The following CASZ1 variants were observed in gnomAD, a reference collection of about 807,000 sequenced individuals.
CASZ1 encodes the protein castor zinc finger 1.
Under a neutral mutation model 135.2 loss-of-function variants are expected in CASZ1, and 28 were observed. That is an observed-to-expected ratio of 0.21 (90% CI 0.15 to 0.28). The LOEUF (loss-of-function observed/expected upper bound fraction) is 0.28, where lower values mean the gene tolerates loss of function less well. Ranked by LOEUF, CASZ1 falls within the 10% of genes least tolerant of loss-of-function variation. The pLI, the probability that CASZ1 is intolerant of heterozygous loss-of-function variation, is 1.00. For synonymous variants in CASZ1, 1,068 were observed against 1,073.4 expected (o/e 0.99, Z 0.10); for missense variants, 2,161 against 2,453.3 (o/e 0.88, Z 2.52).
At chr1:10,753,530 T>A (rs1326762916) in intron 2 of CASZ1, among the ~76,000 whole-genome samples, 1 of 152,104 alleles carries the variant, frequency 6.6e-6, no homozygotes, top group Non-Finnish European at 1.5e-5. Context: ...GTGGCTCCTG[T>A]CAGATTATTA....
rs1639386634 is a variant in CASZ1, at chr1:10,716,079, CCCCACAGCACCCAATCCACA to C, written c.-76-10555_-76-10536del. Among the ~76,000 whole-genome samples, 13 of 145,476 alleles carry C rather than the reference CCCCACAGCACCCAATCCACA, an allele frequency of 8.9e-5. No homozygotes were observed. The South Asian group carries it at 1.6e-3, about 18-fold the overall frequency. On this transcript the variant is annotated intron_variant, in intron 2 of 20. Transcript: ENST00000377022. ...CGCACCCCACAGCACCCAATCCGCA[CCCCACAGCACCCAATCCACA>C]CCCACAGCACCCAATCCACACCCCA...
At chr1:10,765,267 G>C (rs1640452756) in intron 1 of CASZ1, among the ~76,000 whole-genome samples, 1 of 151,788 alleles carries the variant, frequency 6.6e-6, no homozygotes, top group African/African-American at 2.4e-5. Flanking sequence ...GAGGGTACGT[G>C]GTGGAAGATA....
Position 10,639,344 on chromosome 1 carries a change from C to A in CASZ1, c.4878G>T (p.Pro1626=), listed in dbSNP as rs189959454. The part of the protein sequence containing the change: ...LDGSLSLGAE[P]GSLLFLQSAA... ...CCGACTGCAGGAAGAGCAGCGAGCC[C>A]GGCTCGGCGCCCAGCGACAGGGAGC... Residue 1626 remains proline (P), a synonymous_variant, in exon 21 of 21, where the codon CCG becomes CCT. Transcript: ENST00000377022. The surrounding 1 kb of genome is among the most constrained non-coding windows in gnomAD (Gnocchi z 4.0). 1.5e-3 allele frequency: 2,224 copies of A among 1,505,704 alleles called. 22 individuals carry two copies. In the African/African-American group the frequency reaches 0.025, roughly 17 times the overall value. 93.3% of individuals were successfully genotyped at this position (1,505,704 alleles called of 1,614,324 possible).
At position 10,694,658 on chromosome 1, in the gene CASZ1, G is replaced by C. The variant is rs1001609819; in HGVS notation, c.-23-746C>G. On this transcript the variant is annotated intron_variant, in intron 3 of 20. Transcript: ENST00000377022. This position sits in a 1 kb window ranked among gnomAD's most constrained non-coding sequence, Gnocchi z 6.6. Reference sequence around the variant, plus strand: ...GCCCGCCGCCCGCCGCCCGGTGCCGGAGTGAATGGGCTCGCGCTCGCTCGC... The same window carrying C: ...GCCCGCCGCCCGCCGCCCGGTGCCGCAGTGAATGGGCTCGCGCTCGCTCGC... Among the ~76,000 whole-genome samples, 5 of 143,428 alleles carry C rather than the reference G, an allele frequency of 3.5e-5. No homozygotes were observed. The highest frequency in any genetic ancestry group is 2.7e-4 in the Admixed American group (4 of 14,612). 94.1% of individuals were successfully genotyped at this position (143,428 alleles called of 152,430 possible).
At chr1:10,745,399 A>G (rs879564293) in intron 2 of CASZ1, among the ~76,000 whole-genome samples, 1 of 148,294 alleles carries the variant, frequency 6.7e-6, no homozygotes, top group Admixed American at 6.7e-5. Flanking sequence ...CAGGGACACG[A>G]ACACAGACAG....
At chr1:10,640,391 T>C (rs2128416) in intron 20 of CASZ1, among the ~76,000 whole-genome samples, 24,356 of 152,238 alleles carry the variant, frequency 0.16, 2,819 homozygotes, top group East Asian at 0.54. Context: ...CTGGCGCTAA[T>C]TGAAGCTGAA....
At chr1:10,714,857 C>A (rs1639349014) in intron 2 of CASZ1, among the ~76,000 whole-genome samples, 1 of 152,168 alleles carries the variant, frequency 6.6e-6, no homozygotes, top group South Asian at 2.1e-4. Flanking sequence ...CCAGCCCAAC[C>A]CCCACCCTCT....
In CASZ1 at chr1:10,759,040, A is replaced by G. The variant is rs1640312947; in HGVS notation, c.-77+1661T>C. On this transcript the variant is annotated intron_variant, in intron 2 of 20. Coordinates refer to ENST00000377022, the MANE Select transcript of CASZ1 (RefSeq NM_001079843.3). This position sits in a 1 kb window ranked among gnomAD's most constrained non-coding sequence, Gnocchi z 4.2. ...GGAGTCAACAGCGAATGGAAACTTC[A>G]GAAAGGGAAAAACGAATAGGCGTGT... Among the ~76,000 whole-genome samples the G allele has an allele frequency of 6.6e-6, 1 of 152,246 alleles. No homozygotes were observed. The highest frequency in any genetic ancestry group is 2.1e-4 in the South Asian group (1 of 4,838).
intron 5 of CASZ1, among the ~76,000 whole-genome samples, chr1:10,662,256 CCCCCACACACAG>C (rs1643063474): frequency 7.1e-5 from 9 of 126,952 alleles, no homozygotes; most frequent in African/African-American, 9.9e-5. Context: ...CACCCACCCA[CCCCCACACACAG>C]TCACATGCTC....
rs1258034939 is a variant in CASZ1 at position 10,639,390 on chromosome 1, CCGGGCGCGGGGCCCTCTGCCG to C, written c.4811_4831del (p.Ala1604_Pro1610del). The C allele has an allele frequency of 6.5e-7, 1 of 1,544,760 alleles. No individual in the cohort carries two copies. Among genetic ancestry groups the C allele is most frequent in the Non-Finnish European group, 8.7e-7 (1 of 1,145,526 alleles). On this transcript the variant is annotated inframe_deletion, in exon 21 of 21. Transcript: ENST00000377022. The surrounding 1 kb of genome is among the most constrained non-coding windows in gnomAD (Gnocchi z 4.0). ...GGAGCCGTCCAGACTGATGGGAGGC[CCGGGCGCGGGGCCCTCTGCCG>C]CGGGCTCGCCGCGCTCCTGCTTCTC...
intron 4 of CASZ1, among the ~76,000 whole-genome samples, chr1:10,682,543 A>G (rs751911050): frequency 6.6e-6 from 1 of 152,190 alleles, no homozygotes; most frequent in African/African-American, 2.4e-5. Context: ...CTCTCAGTGC[A>G]TAACACAAAA....
intron 5 of CASZ1, among the ~76,000 whole-genome samples, chr1:10,664,712 G>A (rs1407952066): frequency 6.6e-6 from 1 of 151,974 alleles, no homozygotes; most frequent in Non-Finnish European, 1.5e-5. Flanking sequence ...TACTGTGCCC[G>A]GTAAGCTCAG....
chr1:10,700,906 G>A lies in CASZ1; in HGVS notation c.-24+4586C>T, dbSNP rs376818000. ...TAAAAAGGTGAATTTTATGGTATATGAATGATATCTCAATAAAGCGGTTAT... is the reference window on the plus strand; with the variant it reads ...TAAAAAGGTGAATTTTATGGTATATAAATGATATCTCAATAAAGCGGTTAT... On this transcript the variant is annotated intron_variant, in intron 3 of 20. Transcript: ENST00000377022. This position sits in a 1 kb window ranked among gnomAD's most constrained non-coding sequence, Gnocchi z 4.2. 2.6e-3 allele frequency among the ~76,000 whole-genome samples: 401 copies of A among 152,278 alleles called. 8 individuals are homozygous for A. In the South Asian group the frequency reaches 0.029, roughly 11 times the overall value.
chr1:10,646,279 A>T lies in CASZ1; in HGVS notation c.3545T>A (p.Phe1182Tyr). The T allele has an allele frequency of 6.2e-7, 1 of 1,614,146 alleles. No individual in the cohort carries two copies. Among genetic ancestry groups the T allele is most frequent in the Non-Finnish European group, 8.5e-7 (1 of 1,180,024 alleles). ...CTTGCAGTTCCCAAAGAGACAGTGG[A>T]AGTGGAACTTGTTGGCGTACTTGCA... is the stretch of plus-strand genomic sequence containing the variant. Reference protein sequence around the residue: ...TDCKYANKFHFHCLFGNCKYV... With the variant: ...TDCKYANKFHYHCLFGNCKYV... Residue 1182 changes from phenylalanine (F) to tyrosine (Y), a missense_variant, in exon 17 of 21, where the codon TTC becomes TAC. By Grantham distance (22) the Phe-to-Tyr change is conservative (BLOSUM62 3). This residue lies in a region of CASZ1 where 349 missense variants were observed against 460.8 expected (regional missense o/e 0.76). Coordinates refer to ENST00000377022, the MANE Select transcript of CASZ1 (RefSeq NM_001079843.3). The surrounding 1 kb of genome is among the most constrained non-coding windows in gnomAD (Gnocchi z 6.4).
chr1:10,637,920 C>G lies in CASZ1; in HGVS notation c.*1022G>C, dbSNP rs1394434909. The stretch of plus-strand genomic sequence containing the variant: ...GGATCAACAGTAATAGTCCTTTTTT[C>G]TTGTCTCTACAAAATTCAAGTTAAG... On this transcript the variant is annotated 3_prime_UTR_variant, in exon 21 of 21. Coordinates refer to ENST00000377022, the MANE Select transcript of CASZ1 (RefSeq NM_001079843.3). 1 of 151,740 alleles carries G rather than the reference C, an allele frequency of 6.6e-6. No homozygotes were observed. Among genetic ancestry groups the G allele is most frequent in the Non-Finnish European group, 1.5e-5 (1 of 67,896 alleles). The allele number at this position is 151,740 out of a possible 1,614,324, so 9.4% of individuals were successfully genotyped here. A position where few individuals can be genotyped will look rare whatever the true frequency, so the allele number is the denominator to read the frequency against.
chr1:10,787,947 T>G (rs1307337395), intron 1 of CASZ1, among the ~76,000 whole-genome samples: 2 of 150,966 alleles, frequency 1.3e-5, no homozygotes, highest in African/African-American at 4.9e-5. Context: ...TGAAAAAATG[T>G]TTTTTTTTAA....
At chr1:10,718,766 A>T (rs1639441298) in intron 2 of CASZ1, among the ~76,000 whole-genome samples, 1 of 152,218 alleles carries the variant, frequency 6.6e-6, no homozygotes, top group Non-Finnish European at 1.5e-5. Context: ...CATCCGTAGG[A>T]GTCTGCTCTA....
chr1:10,711,262 T>A lies in CASZ1; in HGVS notation c.-76-5718A>T, dbSNP rs1402832130. On this transcript the variant is annotated intron_variant, in intron 2 of 20. Transcript: ENST00000377022. This position sits in a 1 kb window ranked among gnomAD's most constrained non-coding sequence, Gnocchi z 4.4. ...CTTAACCTCTCCAGGCCCCAGCTTC[T>A]TCCATTGAAAAGTGGGGGCCCATGA... Among the ~76,000 whole-genome samples the A allele has an allele frequency of 1.3e-5, 2 of 152,224 alleles. No individual in the cohort carries two copies. The highest frequency in any genetic ancestry group is 1.9e-4 in the East Asian group (1 of 5,204).
chr1:10,727,343 A>C lies in CASZ1; in HGVS notation c.-76-21799T>G, dbSNP rs1639615937. Among the ~76,000 whole-genome samples the C allele has an allele frequency of 6.6e-6, 1 of 151,030 alleles. No individual in the cohort carries two copies. On this transcript the variant is annotated intron_variant, in intron 2 of 20. Coordinates refer to ENST00000377022, the MANE Select transcript of CASZ1 (RefSeq NM_001079843.3). The surrounding 1 kb of genome is among the most constrained non-coding windows in gnomAD (Gnocchi z 5.3). ...TCCAGCTCTTCATTCACAACTCTCC[A>C]TGTGTGCTATTCTGGGTACCAGGTT...
Sources: allele counts gnomAD v4.1 joint callset (sites outside exome capture counted in the v4.1 genomes callset), GRCh38; gene constraint gnomAD v4.1.1; regional missense constraint gnomAD v4.1.1; non-coding constraint Gnocchi (gnomAD v3.1); transcripts MANE v1.5; gene names NCBI Gene and HGNC (gene_info 2026-07-23, HGNC 2026-07-21).